Variants in KIAA1549 observed in about 807,000 individuals in gnomAD.
KIAA1549 encodes the protein UPF0606 protein KIAA1549.
A neutral mutation model predicts 156.4 loss-of-function variants in KIAA1549; 70 were observed. The observed-to-expected ratio is 0.45, with a 90% CI of 0.37 to 0.55. The LOEUF is 0.55. Ranked by LOEUF, KIAA1549 falls within the 20% of genes least tolerant of loss-of-function variation. The pLI is 0.00. For synonymous variants in KIAA1549, 1,103 were observed against 1,066.4 expected, an observed-to-expected ratio of 1.03 and a Z score of -0.67; for missense variants, 2,428 against 2,540.9, an observed-to-expected ratio of 0.96 and a Z score of 0.96.
In KIAA1549 at chr7:138,919,386, C is replaced by A; in HGVS notation, c.240G>T (p.Val80=). 3 of 1,614,004 alleles carry A rather than the reference C, an allele frequency of 1.9e-6. No homozygotes were observed. The highest frequency in any genetic ancestry group is 2.5e-6 in the Non-Finnish European group (3 of 1,179,886). The change falls in exon 2 of 20, where the codon GTG becomes GTT. Residue 80 remains valine, a synonymous_variant. Coordinates refer to ENST00000422774, the MANE Select transcript of KIAA1549 (RefSeq NM_001164665.2). The stretch of plus-strand genomic sequence containing the variant: ...CGCTGTGCCCAGTGCTTTTCTTCAG[C>A]ACGAGCTCCATGGAGTATAAAGAAA... ...HNLSLYSMEL[V]LKKSTGHSAA... is the part of the protein sequence containing the mutation.
rs542916011 is a variant in KIAA1549, at chr7:138,884,197, C to T, written c.4033-2613G>A. On this transcript the variant is annotated intron_variant, in intron 10 of 19. Transcript: ENST00000422774. ...TGGAAGGCTGAACACTGTGGAGGTT[C>T]CTGGAAGGTAGCACCCCCACGGAGG... 2.0e-5 allele frequency among the ~76,000 whole-genome samples: 3 copies of T among 152,266 alleles called. No individual in the cohort carries two copies. The South Asian group carries it at 6.2e-4, about 32-fold the overall frequency.
intron 6 of KIAA1549, among the ~76,000 whole-genome samples, chr7:138,905,941 CA>C (rs1158764765): frequency 6.6e-6 from 1 of 152,188 alleles, no homozygotes; most frequent in Non-Finnish European, 1.5e-5. Flanking sequence ...TCACAACCCC[CA>C]AAACACTGCC....
chr7:138,944,383 T>C (rs1290088611), intron 1 of KIAA1549, among the ~76,000 whole-genome samples: 1 of 152,212 alleles, frequency 6.6e-6, no homozygotes, highest in South Asian at 2.1e-4. Flanking sequence ...ATAGGATGGC[T>C]ATATTTTTTA....
intron 13 of KIAA1549, 40 bp downstream of exon 13, chr7:138,871,117 G>C: frequency 6.3e-7 from 1 of 1,584,644 alleles, no homozygotes; most frequent in Non-Finnish European, 8.6e-7. Context: ...GGGCTTAGCC[G>C]AGTTTTTTAA....
At chr7:138,913,982 G>A (rs1197488421) in intron 2 of KIAA1549, among the ~76,000 whole-genome samples, 1 of 150,490 alleles carries the variant, frequency 6.6e-6, no homozygotes, top group Non-Finnish European at 1.5e-5. Context: ...AAAAGGAGGA[G>A]GGAGGGAGAG....
chr7:138,903,877 G>A (rs1461356371), intron 7 of KIAA1549, 141 bp from the exon 8 acceptor site: 3 of 717,132 alleles, frequency 4.2e-6, no homozygotes, highest in African/African-American at 3.8e-5. Context: ...GCGCACATAT[G>A]TATTTGAAAT....
chr7:138,973,653 C>CTT (rs567760453), intron 1 of KIAA1549, among the ~76,000 whole-genome samples: 114 of 151,470 alleles, frequency 7.5e-4, no homozygotes, highest in African/African-American at 2.5e-3. Flanking sequence ...ATTTAACAAG[C>CTT]TTTTTTTTTG....
chr7:138,967,025 C>T (rs1033664996), intron 1 of KIAA1549, among the ~76,000 whole-genome samples: 3 of 152,300 alleles, frequency 2.0e-5, no homozygotes, highest in Non-Finnish European at 4.4e-5. Context: ...AACTGCAACT[C>T]GTCAGTCCAA....
chr7:138,860,605 G>T (rs1810543199), intron 16 of KIAA1549, among the ~76,000 whole-genome samples: 2 of 152,132 alleles, frequency 1.3e-5, no homozygotes, highest in Admixed American at 6.5e-5. Context: ...GATAACAAAG[G>T]CAGATGAAAT....
intron 9 of KIAA1549, among the ~76,000 whole-genome samples, chr7:138,898,305 C>CAA (rs575419720): frequency 1.7e-4 from 8 of 47,560 alleles, no homozygotes; most frequent in Non-Finnish European, 2.6e-4. Flanking sequence ...GACTCCATCT[C>CAA]AAAAAAAAAA....
chr7:138,923,814 T>C (rs1584760073), intron 1 of KIAA1549, among the ~76,000 whole-genome samples: 2 of 152,202 alleles, frequency 1.3e-5, no homozygotes, highest in East Asian at 1.9e-4. Context: ...ATTCTGTGAA[T>C]AGATTTTTGT....
rs990919685 is a variant in KIAA1549, at chr7:138,887,107, A to G, written c.4033-5523T>C. On this transcript the variant is annotated intron_variant, in intron 10 of 19. Transcript: ENST00000422774. ...ATTTTTTTATTACAGATGGGGTTTCACCATGTTGGCCAGGCTGGTCTCAAA... is the reference window on the plus strand; with the variant it reads ...ATTTTTTTATTACAGATGGGGTTTCGCCATGTTGGCCAGGCTGGTCTCAAA... Among the ~76,000 whole-genome samples the G allele has an allele frequency of 2.6e-5, 4 of 151,708 alleles. No homozygotes were observed. In the South Asian group the frequency reaches 8.3e-4, roughly 32 times the overall value.
rs771954107 is a variant in KIAA1549 at position 138,919,221 on chromosome 7, G to A, written c.405C>T (p.Pro135=). The change falls in exon 2 of 20, where the codon CCC becomes CCT. Residue 135 remains proline (P), a synonymous_variant. Coordinates refer to ENST00000422774, the MANE Select transcript of KIAA1549 (RefSeq NM_001164665.2). The part of the protein sequence containing the change: ...QGKQTKSTAD[P]SIFVATYVSV... ...ACACGTAAGTTGCCACAAAGATGCT[G>A]GGATCTGCTGTACTTTTGGTCTGTT... The A allele has an allele frequency of 2.5e-5, 41 of 1,613,874 alleles. No homozygotes were observed. The highest frequency in any genetic ancestry group is 1.6e-4 in the Middle Eastern group (1 of 6,084).
Position 138,833,014 on chromosome 7 carries a change from T to G in KIAA1549, c.*4892A>C, listed in dbSNP as rs987047635. On this transcript the variant is annotated 3_prime_UTR_variant, in exon 20 of 20. Transcript: ENST00000422774. ...TGTAAAAATGAAGTTCAGTTGACTA[T>G]GCCATAGAAATGTGTTTTGTGTTCA... The G allele has an allele frequency of 4.3e-6, 1 of 231,910 alleles. No individual in the cohort carries two copies. The highest frequency in any genetic ancestry group is 8.5e-6 in the Non-Finnish European group (1 of 117,332). The allele number at this position is 231,910 out of a possible 1,614,324, so 14.4% of individuals were successfully genotyped here.
At chr7:138,957,262 G>T (rs1563093292) in intron 1 of KIAA1549, among the ~76,000 whole-genome samples, 2 of 152,128 alleles carry the variant, frequency 1.3e-5, no homozygotes, top group Non-Finnish European at 2.9e-5. Context: ...GAAAAACAAG[G>T]ATTGAACAAA....
At chr7:138,851,827 G>C (rs1810242707) in intron 17 of KIAA1549, among the ~76,000 whole-genome samples, 1 of 152,176 alleles carries the variant, frequency 6.6e-6, no homozygotes, top group African/African-American at 2.4e-5. Flanking sequence ...TCTGTCAAAG[G>C]CTTTGCCTGG....
At position 138,844,983 on chromosome 7, in the gene KIAA1549, G is replaced by A. The variant is rs547002516; in HGVS notation, c.5295-509C>T. On this transcript the variant is annotated intron_variant, in intron 17 of 19. Coordinates refer to ENST00000422774, the MANE Select transcript of KIAA1549 (RefSeq NM_001164665.2). ...AGTGGTAACTTTTAAAATTACAGAC[G>A]ATCCTGCTGTCCATCAAGGCTGAAA... Among the ~76,000 whole-genome samples the A allele has an allele frequency of 1.1e-4, 17 of 151,938 alleles. No homozygotes were observed. The South Asian group carries it at 2.7e-3, about 24-fold the overall frequency.
chr7:138,969,364 G>A (rs888846380), intron 1 of KIAA1549, among the ~76,000 whole-genome samples: 3 of 152,186 alleles, frequency 2.0e-5, no homozygotes, highest in Admixed American at 1.3e-4. Flanking sequence ...GGGACCTCAC[G>A]TAAGTGGAAT....
At chr7:138,887,137 T>C (rs1047479709) in intron 10 of KIAA1549, among the ~76,000 whole-genome samples, 23 of 152,186 alleles carry the variant, frequency 1.5e-4, no homozygotes, top group East Asian at 5.8e-4. Flanking sequence ...CTCAAACTCC[T>C]GACCTTAGGT....
Sources: allele counts gnomAD v4.1 joint callset (sites outside exome capture counted in the v4.1 genomes callset), GRCh38; gene constraint gnomAD v4.1.1; transcripts MANE v1.5; gene names NCBI Gene and HGNC (gene_info 2026-07-23, HGNC 2026-07-21).